FTO: variants seen among roughly 807,000 people sequenced by gnomAD.
FTO encodes the protein FTO alpha-ketoglutarate dependent dioxygenase.
Under a neutral mutation model 63.9 loss-of-function variants are expected in FTO, and 47 were observed. The ratio of observed to expected loss-of-function variants is 0.74; its 90% CI spans 0.58 to 0.94. The LOEUF is 0.94. Ranked by LOEUF, FTO falls within the 40% of genes least tolerant of loss-of-function variation. The pLI, the probability that FTO is intolerant of heterozygous loss-of-function variation, is 0.00. For missense variants in FTO, 562 were observed against 618.1 expected (o/e 0.91, Z 0.96); for synonymous variants, 207 against 224.4 (o/e 0.92, Z 0.69).
At chr16:54,048,256 GAA>G (rs111381976) in intron 8 of FTO, among the ~76,000 whole-genome samples, 8,034 of 133,934 alleles carry the variant, frequency 0.06, 272 homozygotes, top group Non-Finnish European at 0.081. Flanking sequence ...AAAAATACTT[GAA>G]AAAAAAAAAA....
chr16:53,994,981 G>A (rs1283187613), intron 8 of FTO, among the ~76,000 whole-genome samples: 5 of 152,102 alleles, frequency 3.3e-5, no homozygotes, highest in East Asian at 1.9e-4. Flanking sequence ...TGATCCGCCC[G>A]TCTCGGCCTC....
intron 8 of FTO, among the ~76,000 whole-genome samples, chr16:53,954,800 T>C (rs2082888452): frequency 1.3e-5 from 2 of 151,812 alleles, no homozygotes; most frequent in South Asian, 4.2e-4. Flanking sequence ...ACGTCGTTAG[T>C]GGGCCAAAGG....
intron 7 of FTO, among the ~76,000 whole-genome samples, chr16:53,892,023 C>A (rs190219616): frequency 5.9e-5 from 9 of 152,160 alleles, no homozygotes; most frequent in African/African-American, 1.9e-4. Flanking sequence ...GATGTTTCTT[C>A]CAAATTAAAT....
chr16:53,943,055 A>G (rs757974013), intron 8 of FTO, among the ~76,000 whole-genome samples: 1 of 152,182 alleles, frequency 6.6e-6, no homozygotes, highest in African/African-American at 2.4e-5. Flanking sequence ...TTCGCTTTTA[A>G]TAATTACAGT....
intron 1 of FTO, among the ~76,000 whole-genome samples, chr16:53,733,025 G>GC (rs898036708): frequency 3.9e-5 from 6 of 152,208 alleles, no homozygotes; most frequent in African/African-American, 1.4e-4. Flanking sequence ...CATAGAGGGA[G>GC]CCCCCCTTTT....
chr16:53,973,334 T>C (rs2083372525), intron 8 of FTO, among the ~76,000 whole-genome samples: 1 of 152,194 alleles, frequency 6.6e-6, no homozygotes, highest in South Asian at 2.1e-4. Flanking sequence ...TGATCAAATC[T>C]AGGCCACAGT....
Position 53,893,825 on chromosome 16 carries a change from G to T in FTO, c.1239+4874G>T, listed in dbSNP as rs547479284. Among the ~76,000 whole-genome samples the T allele has an allele frequency of 6.6e-5, 10 of 152,274 alleles. No homozygotes were observed. In the South Asian group the frequency reaches 2.1e-3, roughly 32 times the overall value. ...TTAGAATAAAAAGTAGATCCTGATG[G>T]TTTTGAATGTTTTGAATTGCGTTTC... On this transcript the variant is annotated intron_variant, in intron 7 of 8. Transcript: ENST00000471389.
intron 2 of FTO, among the ~76,000 whole-genome samples, chr16:53,812,840 T>C (rs1395483044): frequency 6.6e-6 from 1 of 152,198 alleles, no homozygotes; most frequent in East Asian, 1.9e-4. Context: ...AGTGAAGGTA[T>C]ATTCTTTTGC....
At chr16:54,034,847 T>C (rs536879501) in intron 8 of FTO, among the ~76,000 whole-genome samples, 238 of 152,318 alleles carry the variant, frequency 1.6e-3, no homozygotes, top group African/African-American at 5.6e-3. Context: ...TGTAACTACT[T>C]ATATGAGGTT....
Position 53,754,491 on chromosome 16 carries a change from G to T in FTO, c.45+50262G>T, listed in dbSNP as rs1358930762. Among the ~76,000 whole-genome samples, 3 of 152,268 alleles carry T rather than the reference G, an allele frequency of 2.0e-5. No individual in the cohort carries two copies. In the East Asian group the frequency reaches 5.8e-4, roughly 29 times the overall value. ...CATCTCTACTAAAAATGCAAAAATTGGCCGGGCACGGTGGCGGATGCCTAT... is the reference window on the plus strand; with the variant it reads ...CATCTCTACTAAAAATGCAAAAATTTGCCGGGCACGGTGGCGGATGCCTAT... On this transcript the variant is annotated intron_variant, in intron 1 of 8. Transcript: ENST00000471389.
At chr16:54,000,163 T>C (rs1311618536) in intron 8 of FTO, among the ~76,000 whole-genome samples, 1 of 152,196 alleles carries the variant, frequency 6.6e-6, no homozygotes, top group Non-Finnish European at 1.5e-5. Context: ...TTCTTTTCTT[T>C]CTCCTGTTTG....
chr16:53,844,259 G>T lies in FTO; in HGVS notation c.856G>T (p.Ala286Ser). Residue 286 changes from alanine (A) to serine (S), a missense_variant, in exon 4 of 9, where the codon GCG becomes TCG. By Grantham distance (99) the Ala-to-Ser change is moderately conservative (BLOSUM62 1). Transcript: ENST00000471389. ...ISWDIETPGL[A>S]IPLHQGDCYF... is the part of the protein sequence containing the mutation. Reference sequence around the variant, plus strand: ...ATGGGACATAGAGACACCTGGTTTGGCGATACCCCTTCACCAAGGAGACTG... The same window carrying T: ...ATGGGACATAGAGACACCTGGTTTGTCGATACCCCTTCACCAAGGAGACTG... 6.2e-7 allele frequency: 1 copy of T among 1,613,684 alleles called. No individual in the cohort carries two copies. The highest frequency in any genetic ancestry group is 8.5e-7 in the Non-Finnish European group (1 of 1,179,708).
At chr16:53,790,189 C>T (rs960128128) in intron 1 of FTO, among the ~76,000 whole-genome samples, 3 of 151,532 alleles carry the variant, frequency 2.0e-5, no homozygotes, top group Non-Finnish European at 2.9e-5. Context: ...TTAAGTTCAT[C>T]CTCATTATTG....
At chr16:54,018,068 CATT>C (rs1451361772) in intron 8 of FTO, among the ~76,000 whole-genome samples, 9 of 151,902 alleles carry the variant, frequency 5.9e-5, no homozygotes, top group African/African-American at 1.7e-4. Context: ...TCATCATCAT[CATT>C]ATTCTAGTAC....
At chr16:53,885,122 T>C (rs1176607806) in intron 6 of FTO, among the ~76,000 whole-genome samples, 1 of 152,208 alleles carries the variant, frequency 6.6e-6, no homozygotes, top group Non-Finnish European at 1.5e-5. Context: ...CCCAAAGTAA[T>C]AAGGACTCAC....
At chr16:54,084,789 G>A (rs2086224591) in intron 8 of FTO, among the ~76,000 whole-genome samples, 1 of 152,144 alleles carries the variant, frequency 6.6e-6, no homozygotes. Flanking sequence ...CGGGCGGGGA[G>A]GGCTGCTGAG....
chr16:54,036,624 A>G (rs1239634261), intron 8 of FTO, among the ~76,000 whole-genome samples: 1 of 152,226 alleles, frequency 6.6e-6, no homozygotes, highest in African/African-American at 2.4e-5. Context: ...TAGTTAACAA[A>G]GAGAGCCTTT....
At chr16:53,840,871 A>G (rs1213813577) in intron 3 of FTO, among the ~76,000 whole-genome samples, 1 of 151,992 alleles carries the variant, frequency 6.6e-6, no homozygotes, top group Non-Finnish European at 1.5e-5. Context: ...AGATCTTGTA[A>G]TTCAAGGGTA....
intron 8 of FTO, among the ~76,000 whole-genome samples, chr16:54,024,738 T>C (rs2084678095): frequency 6.6e-6 from 1 of 152,184 alleles, no homozygotes; most frequent in Admixed American, 6.5e-5. Context: ...ATTATATTAG[T>C]TTATATATTT....
Sources: gnomAD v4.1 joint callset for allele counts (sites outside exome capture counted in the v4.1 genomes callset) on GRCh38, gnomAD v4.1.1 for gene constraint, MANE v1.5 for transcripts, NCBI Gene and HGNC (gene_info 2026-07-23, HGNC 2026-07-21) for gene names.